TERT: variants seen among roughly 807,000 people sequenced by gnomAD.
The protein encoded by TERT is telomerase reverse transcriptase.
A neutral mutation model predicts 104.0 loss-of-function variants in TERT; 42 were observed. The observed-to-expected ratio is 0.40, with a 90% CI of 0.32 to 0.52. TERT has a LOEUF of 0.52. Among genes scored for constraint, TERT ranks in the 20% least tolerant of loss-of-function variants. TERT has a pLI of 0.43. For missense variants in TERT, 1,101 were observed against 1,610.3 expected, an observed-to-expected ratio of 0.68 and a Z score of 5.41; for synonymous variants, 781 against 725.6, an observed-to-expected ratio of 1.08 and a Z score of -1.23.
chr5:1,282,668 G>A, intron 2 of TERT, 44 bp from the exon 3 acceptor site: 1 of 1,604,218 alleles, frequency 6.2e-7, no homozygotes, highest in South Asian at 1.1e-5. Flanking sequence ...CCGAGGGCCT[G>A]GTGACCTCAC....
At chr5:1,294,736 A>T in intron 1 of TERT, 35 bp downstream of exon 1, 1 of 1,565,730 alleles carries the variant, frequency 6.4e-7, no homozygotes, top group Non-Finnish European at 8.6e-7. Context: ...GGCCGCCCTC[A>T]ACCCCAGCCG....
intron 6 of TERT, 47 bp from the exon 7 acceptor site, chr5:1,272,327 G>T: frequency 6.7e-7 from 1 of 1,493,600 alleles, no homozygotes; most frequent in Non-Finnish European, 9.2e-7. Flanking sequence ...GCCTGCCCCG[G>T]CCAGAGCTGG....
chr5:1,258,551 C>T (rs1385728196), intron 13 of TERT, 47 bp downstream of exon 13: 33 of 1,533,556 alleles, frequency 2.2e-5, no homozygotes, highest in African/African-American at 4.1e-5. Flanking sequence ...GAGCAGAGCG[C>T]GGAGGGTCCC....
At position 1,268,682 on chromosome 5, in the gene TERT, A is replaced by G. The variant is rs1561195525; in HGVS notation, c.2469-49T>C. 3.0e-6 allele frequency: 4 copies of G among 1,340,388 alleles called. No homozygotes were observed. Among genetic ancestry groups the G allele is most frequent in the Non-Finnish European group, 4.3e-6 (4 of 934,516 alleles). 83.0% of individuals were successfully genotyped at this position (1,340,388 alleles called of 1,614,324 possible). ...GAGACGGGCAGGGCATGTGCTGGAC[A>G]TGCGTACACTCAAACCGAGCCACAC... On this transcript the variant is annotated intron_variant, in intron 8 of 15. Coordinates refer to ENST00000310581, the MANE Select transcript of TERT (RefSeq NM_198253.3). This position sits in a 1 kb window ranked among gnomAD's most constrained non-coding sequence, Gnocchi z 5.5.
In TERT at chr5:1,270,981, G is replaced by T. The variant is rs1748987034; in HGVS notation, c.2468+138C>A. 5.8e-6 allele frequency: 4 copies of T among 687,652 alleles called. No homozygotes were observed. The East Asian group carries it at 8.2e-5, about 14-fold the overall frequency. The allele number at this position is 687,652 out of a possible 1,614,324, so 42.6% of individuals were successfully genotyped here. On this transcript the variant is annotated intron_variant, in intron 8 of 15. Transcript: ENST00000310581. This position sits in a 1 kb window ranked among gnomAD's most constrained non-coding sequence, Gnocchi z 8.3. ...GGAGCCTGCAGCCCAGGAGCCGGAG[G>T]GGGCGGGGGCCAGAAAAGGAGACTC... is the stretch of plus-strand genomic sequence containing the variant.
chr5:1,266,444 A>T lies in TERT; in HGVS notation c.2654+20T>A. ...CCACAGGCTGTGGAGGTCCCCACAG[A>T]CACACGGCACGGGCCTCACCTGAGG... On this transcript the variant is annotated intron_variant, in intron 10 of 15. Transcript: ENST00000310581. 3.8e-6 allele frequency: 6 copies of T among 1,597,416 alleles called. No homozygotes were observed. Among genetic ancestry groups the T allele is most frequent in the Non-Finnish European group, 5.1e-6 (6 of 1,170,342 alleles).
chr5:1,284,108 G>A (rs1343465168), intron 2 of TERT, among the ~76,000 whole-genome samples: 2 of 138,174 alleles, frequency 1.4e-5, no homozygotes, highest in South Asian at 2.5e-4. Flanking sequence ...TGCATCATCC[G>A]GACTCCATAC....
intron 6 of TERT, among the ~76,000 whole-genome samples, chr5:1,276,071 C>A (rs373963023): frequency 1.4e-5 from 2 of 138,376 alleles, no homozygotes; most frequent in African/African-American, 2.7e-5. Context: ...ACCAATCCCA[C>A]AGATCCCCAC....
Position 1,262,511 on chromosome 5 carries a change from T to C in TERT, c.2843+1893A>G, listed in dbSNP as rs562550902. The stretch of plus-strand genomic sequence containing the variant: ...AGATGCCCTTCAAGCCTCTGCTGTA[T>C]ACTTCAGACACAGAGGATGTGAGTT... On this transcript the variant is annotated intron_variant, in intron 11 of 15. Transcript: ENST00000310581. The surrounding 1 kb of genome is among the most constrained non-coding windows in gnomAD (Gnocchi z 5.6). Among the ~76,000 whole-genome samples, 1 of 152,346 alleles carries C rather than the reference T, an allele frequency of 6.6e-6. No individual in the cohort carries two copies. Among genetic ancestry groups the C allele is most frequent in the Admixed American group, 6.5e-5 (1 of 15,306 alleles).
rs1340315799 is a variant in TERT, at chr5:1,265,621, G to A, written c.2654+843C>T. ...CCGGGCTGCGGCACAAGGAACGCCAGGCATACCCCCAGCCCAGGGCGGCCC... is the reference window on the plus strand; with the variant it reads ...CCGGGCTGCGGCACAAGGAACGCCAAGCATACCCCCAGCCCAGGGCGGCCC... On this transcript the variant is annotated intron_variant, in intron 10 of 15. Transcript: ENST00000310581. This position sits in a 1 kb window ranked among gnomAD's most constrained non-coding sequence, Gnocchi z 6.9. 3.9e-5 allele frequency among the ~76,000 whole-genome samples: 6 copies of A among 152,054 alleles called. No individual in the cohort carries two copies. Among genetic ancestry groups the A allele is most frequent in the South Asian group, 2.1e-4 (1 of 4,822 alleles).
intron 2 of TERT, among the ~76,000 whole-genome samples, chr5:1,284,432 A>G (rs1389827365): frequency 7.7e-6 from 1 of 129,390 alleles, no homozygotes; most frequent in African/African-American, 2.9e-5. Context: ...TCCAGCTCAC[A>G]GCAGGGTCTG....
At chr5:1,254,534 C>T in intron 14 of TERT, 29 bp from the exon 15 acceptor site, 2 of 1,598,162 alleles carry the variant, frequency 1.3e-6, no homozygotes, top group South Asian at 1.1e-5. Flanking sequence ...TGAGGAGTCA[C>T]AGGCCCAGCC....
chr5:1,272,047 C>G (rs1287947587), intron 7 of TERT, 138 bp downstream of exon 7: 6 of 792,140 alleles, frequency 7.6e-6, no homozygotes, highest in Non-Finnish European at 1.3e-5. Context: ...GCACACAGCT[C>G]ATCATGCCCC....
Position 1,257,651 on chromosome 5 carries a change from G to A in TERT, c.3032+947C>T, listed in dbSNP as rs1747845333. On this transcript the variant is annotated intron_variant, in intron 13 of 15. Coordinates refer to ENST00000310581, the MANE Select transcript of TERT (RefSeq NM_198253.3). This position sits in a 1 kb window ranked among gnomAD's most constrained non-coding sequence, Gnocchi z 5.6. ...AGCTGTGGCTCTGCCCTCCCTGCCAGAGCATGAAGGCGCAAGCACTCGGGT... is the reference window on the plus strand; with the variant it reads ...AGCTGTGGCTCTGCCCTCCCTGCCAAAGCATGAAGGCGCAAGCACTCGGGT... Among the ~76,000 whole-genome samples, 1 of 152,224 alleles carries A rather than the reference G, an allele frequency of 6.6e-6. No individual in the cohort carries two copies. The highest frequency in any genetic ancestry group is 6.5e-5 in the Admixed American group (1 of 15,280).
Sources: gnomAD v4.1 joint callset for allele counts (sites outside exome capture counted in the v4.1 genomes callset) on GRCh38, gnomAD v4.1.1 for gene constraint, Gnocchi (gnomAD v3.1) non-coding constraint, MANE v1.5 for transcripts, NCBI Gene and HGNC (gene_info 2026-07-23, HGNC 2026-07-21) for gene names.